The following CPVL variants were observed in gnomAD, a reference collection of about 807,000 sequenced individuals.
CPVL encodes the protein carboxypeptidase vitellogenic like.
In CPVL, 51 loss-of-function variants were observed where a neutral mutation model predicts 63.7. The ratio of observed to expected loss-of-function variants is 0.80; its 90% CI spans 0.64 to 1.01. The LOEUF (loss-of-function observed/expected upper bound fraction) is 1.01. Ranked by LOEUF, CPVL falls within the 50% of genes least tolerant of loss-of-function variation. CPVL has a pLI of 0.00. For synonymous variants in CPVL, 195 were observed against 206.0 expected (o/e 0.95, Z 0.46); for missense variants, 530 against 573.1 (o/e 0.92, Z 0.77).
chr7:29,042,895 T>G (rs1466509575), intron 11 of CPVL, among the ~76,000 whole-genome samples: 2 of 152,174 alleles, frequency 1.3e-5, no homozygotes, highest in African/African-American at 4.8e-5. Context: ...GGCCCTAGTG[T>G]GGTCAGGGAG....
intron 5 of CPVL, among the ~76,000 whole-genome samples, chr7:29,168,599 T>A (rs1796205025): frequency 6.6e-6 from 1 of 152,142 alleles, no homozygotes; most frequent in African/African-American, 2.4e-5. Context: ...AATTTGGAGG[T>A]CCAGTGTTAT....
chr7:29,150,577 G>A (rs1460843229), upstream of CPVL, among the ~76,000 whole-genome samples: 1 of 152,154 alleles, frequency 6.6e-6, no homozygotes, highest in Non-Finnish European at 1.5e-5. Context: ...TCTTGATCAG[G>A]TAAATACAAT....
At chr7:29,044,541 GGATTCCCAGT>G (rs1340452561) in intron 11 of CPVL, among the ~76,000 whole-genome samples, 4 of 152,074 alleles carry the variant, frequency 2.6e-5, no homozygotes, top group Admixed American at 2.0e-4. Context: ...ACACTGCTTT[GGATTCCCAGT>G]GATTCCCAGT....
chr7:29,160,990 G>GT (rs1268400218), intron 5 of CPVL, among the ~76,000 whole-genome samples: 2 of 152,012 alleles, frequency 1.3e-5, no homozygotes, highest in Admixed American at 6.5e-5. Flanking sequence ...CTCTGATTGA[G>GT]TTTTTCCTGC....
At chr7:29,106,547 T>C (rs1787739168) in intron 3 of CPVL, among the ~76,000 whole-genome samples, 1 of 151,818 alleles carries the variant, frequency 6.6e-6, no homozygotes, top group Non-Finnish European at 1.5e-5. Flanking sequence ...AGAAGACAAA[T>C]TCCTCCTGCA....
intron 12 of CPVL, among the ~76,000 whole-genome samples, chr7:29,003,875 A>G (rs943984243): frequency 2.6e-5 from 4 of 152,116 alleles, no homozygotes; most frequent in African/African-American, 9.7e-5. Context: ...CCCCTCCTAT[A>G]AGAATCTAAT....
intron 3 of CPVL, among the ~76,000 whole-genome samples, chr7:29,103,411 A>ACTTTTT (rs1787407295): frequency 7.4e-6 from 1 of 134,806 alleles, no homozygotes; most frequent in Non-Finnish European, 1.6e-5. Flanking sequence ...ATGCTCAGCT[A>ACTTTTT]TTTTTTTTTT....
intron 7 of CPVL, chr7:29,081,333 C>G (rs1784692311): frequency 6.6e-6 from 1 of 152,156 alleles, no homozygotes; most frequent in Admixed American, 6.5e-5. Flanking sequence ...ACATTTGTCT[C>G]TTTTTAGAGA....
intron 2 of CPVL, 82 bp downstream of exon 2, chr7:29,120,811 T>C: frequency 4.4e-6 from 6 of 1,354,234 alleles, no homozygotes; most frequent in Admixed American, 2.2e-5. Context: ...CAGGCGAGAC[T>C]TCGTCTCAAA....
intron 1 of CPVL, among the ~76,000 whole-genome samples, chr7:29,190,310 A>G (rs930115640): frequency 6.6e-6 from 1 of 152,186 alleles, no homozygotes; most frequent in Non-Finnish European, 1.5e-5. Context: ...TAGCCCTGCT[A>G]TTCTCCTGTG....
chr7:29,177,637 T>C (rs535872614), intron 5 of CPVL, among the ~76,000 whole-genome samples: 1 of 151,970 alleles, frequency 6.6e-6, no homozygotes, highest in Non-Finnish European at 1.5e-5. Context: ...TCCATCTGTT[T>C]ATCTATCTGT....
chr7:29,009,783 C>T (rs1785619035), intron 12 of CPVL: 1 of 152,086 alleles, frequency 6.6e-6, no homozygotes, highest in South Asian at 2.1e-4. Context: ...AGTAGTCTAC[C>T]TCCAGGGGTA....
upstream of CPVL, among the ~76,000 whole-genome samples, chr7:29,150,035 G>A (rs1358743205): frequency 6.6e-6 from 1 of 152,186 alleles, no homozygotes; most frequent in Non-Finnish European, 1.5e-5. Context: ...CAACAAATCG[G>A]TTTGCAAAGA....
intron 11 of CPVL, among the ~76,000 whole-genome samples, chr7:29,041,126 A>ATT (rs1191228187): frequency 0.028 from 2,903 of 104,794 alleles, 182 homozygotes; most frequent in African/African-American, 0.095. Flanking sequence ...CAATAACTGG[A>ATT]TTTTTTTTTT....
chr7:29,081,723 G>A (rs764552405), intron 7 of CPVL, among the ~76,000 whole-genome samples: 4 of 152,206 alleles, frequency 2.6e-5, no homozygotes, highest in African/African-American at 4.8e-5. Flanking sequence ...CTGTATGCTT[G>A]GGAGTCATAA....
At chr7:29,053,889 C>CAA (rs1036543437) in intron 11 of CPVL, among the ~76,000 whole-genome samples, 24 of 60,670 alleles carry the variant, frequency 4.0e-4, no homozygotes, top group African/African-American at 8.2e-4. Context: ...TCTGTTTGTA[C>CAA]AAAAAAAAAA....
intron 1 of CPVL, among the ~76,000 whole-genome samples, chr7:29,131,800 A>G (rs1465554072): frequency 6.6e-6 from 1 of 152,178 alleles, no homozygotes; most frequent in Admixed American, 6.5e-5. Context: ...GGCATGAGCC[A>G]CTGCGCCTTG....
intron 1 of CPVL, among the ~76,000 whole-genome samples, chr7:29,134,296 T>C (rs1790976374): frequency 6.6e-6 from 1 of 152,214 alleles, no homozygotes; most frequent in Admixed American, 6.5e-5. Context: ...GATCCTCTAA[T>C]GAAGCATGTT....
chr7:29,005,991 A>G (rs1308122274), intron 12 of CPVL, among the ~76,000 whole-genome samples: 1 of 152,230 alleles, frequency 6.6e-6, no homozygotes, highest in African/African-American at 2.4e-5. Flanking sequence ...GAGTGCTGCA[A>G]GGACTTAGAT....
Sources: allele counts gnomAD v4.1 joint callset (sites outside exome capture counted in the v4.1 genomes callset), GRCh38; gene constraint gnomAD v4.1.1; transcripts MANE v1.5; gene names NCBI Gene and HGNC (gene_info 2026-07-23, HGNC 2026-07-21).